Variants in REXO1 observed in about 807,000 individuals in gnomAD.
REXO1 encodes the protein REX1, RNA exonuclease 1 homolog.
In REXO1, 42 loss-of-function variants were observed where a neutral mutation model predicts 102.6. That is an observed-to-expected ratio of 0.41 (90% CI 0.32 to 0.53). The LOEUF (loss-of-function observed/expected upper bound fraction) is 0.53, where lower values mean the gene tolerates loss of function less well. Among genes scored for constraint, REXO1 ranks in the 20% least tolerant of loss-of-function variants. The pLI is 0.27. For missense variants in REXO1, 1,819 were observed against 1,732.5 expected, an observed-to-expected ratio of 1.05 and a Z score of -0.89; for synonymous variants, 908 against 779.1, an observed-to-expected ratio of 1.17 and a Z score of -2.76.
At chr19:1,829,951 C>G (rs1357228191) in intron 1 of REXO1, among the ~76,000 whole-genome samples, 1 of 152,198 alleles carries the variant, frequency 6.6e-6, no homozygotes, top group Non-Finnish European at 1.5e-5. Flanking sequence ...TTAAAGCACA[C>G]GGCTGAAATG....
chr19:1,820,339 G>T lies in REXO1; in HGVS notation c.2451C>A (p.Ile817=), dbSNP rs745731522. The stretch of plus-strand genomic sequence containing the variant: ...TGAACAGGTTGAGATAGCGCTGGCG[G>T]ATGACGGTGGGGACTTTGCCCCCAA... ...KEFGGKVPTV[I]RQRYLNLFIE... is the part of the protein sequence containing the mutation. The change falls in exon 6 of 16, where the codon ATC becomes ATA. Residue 817 remains isoleucine (I), a synonymous_variant. Coordinates refer to ENST00000170168, the MANE Select transcript of REXO1 (RefSeq NM_020695.4). The T allele has an allele frequency of 6.8e-6, 11 of 1,613,820 alleles. No homozygotes were observed. In the Admixed American group the frequency reaches 1.8e-4, roughly 27 times the overall value.
chr19:1,833,733 C>T (rs1441724956), intron 1 of REXO1, among the ~76,000 whole-genome samples: 1 of 152,242 alleles, frequency 6.6e-6, no homozygotes, highest in Non-Finnish European at 1.5e-5. Flanking sequence ...CCCTGCCACC[C>T]GCCTGGTGAA....
chr19:1,815,753 A>AGGGC lies in REXO1; in HGVS notation c.*309_*312dup, dbSNP rs962109368. 22 of 1,413,682 alleles carry AGGGC rather than the reference A, an allele frequency of 1.6e-5. No individual in the cohort carries two copies. Among genetic ancestry groups the AGGGC allele is most frequent in the Non-Finnish European group, 1.9e-5 (20 of 1,077,754 alleles). The allele number at this position is 1,413,682 out of a possible 1,614,324, so 87.6% of individuals were successfully genotyped here. A position where few individuals can be genotyped will look rare whatever the true frequency, so the allele number is the denominator to read the frequency against. ...AGGTGCCGGCCACCACCCGGGAGGG[A>AGGGC]GGGCCTGGCAGGAGGGGCAGGAGGG... On this transcript the variant is annotated 3_prime_UTR_variant, in exon 16 of 16. Coordinates refer to ENST00000170168, the MANE Select transcript of REXO1 (RefSeq NM_020695.4). This position sits in a 1 kb window ranked among gnomAD's most constrained non-coding sequence, Gnocchi z 4.0.
At chr19:1,818,905 C>A in intron 8 of REXO1, 62 bp from the exon 9 acceptor site, 1 of 1,587,646 alleles carries the variant, frequency 6.3e-7, no homozygotes. Context: ...TAGACACCAC[C>A]GGGAAAGGCG....
chr19:1,820,110 C>T, intron 6 of REXO1, 53 bp from the exon 7 acceptor site: 1 of 1,577,906 alleles, frequency 6.3e-7, no homozygotes, highest in African/African-American at 1.4e-5. Flanking sequence ...TGCCGGGGAG[C>T]CCCAGCGGTG....
intron 1 of REXO1, among the ~76,000 whole-genome samples, chr19:1,836,709 G>A (rs2070047484): frequency 7.7e-6 from 1 of 129,070 alleles, no homozygotes; most frequent in South Asian, 2.4e-4. Context: ...TTACGCCATC[G>A]CACTGCAGCC....
At chr19:1,831,378 A>G (rs1200087939) in intron 1 of REXO1, among the ~76,000 whole-genome samples, 1 of 151,984 alleles carries the variant, frequency 6.6e-6, no homozygotes, top group Non-Finnish European at 1.5e-5. Flanking sequence ...CTGGAGATCG[A>G]CCCCCACAGC....
chr19:1,832,348 A>C (rs1164644209), intron 1 of REXO1, among the ~76,000 whole-genome samples: 1 of 152,188 alleles, frequency 6.6e-6, no homozygotes, highest in South Asian at 2.1e-4. Context: ...TTTAAGGCCC[A>C]CGGGGACGAA....
At position 1,818,736 on chromosome 19, in the gene REXO1, AGAT is replaced by A; in HGVS notation, c.2869_2871del (p.Ile957del). 6.2e-7 allele frequency: 1 copy of A among 1,611,252 alleles called. No individual in the cohort carries two copies. Among genetic ancestry groups the A allele is most frequent in the Non-Finnish European group, 8.5e-7 (1 of 1,179,890 alleles). On this transcript the variant is annotated inframe_deletion, in exon 9 of 16. Coordinates refer to ENST00000170168, the MANE Select transcript of REXO1 (RefSeq NM_020695.4). Reference sequence around the variant, plus strand: ...TTGGGCCTCTTCTCCTCAGCTGTGAAGATGATTGCGCCCCCGGGCCGCTCTGGG... The same window carrying A: ...TTGGGCCTCTTCTCCTCAGCTGTGAAGATTGCGCCCCCGGGCCGCTCTGGG...
chr19:1,846,753 G>C (rs149266722), intron 1 of REXO1, among the ~76,000 whole-genome samples: 1 of 152,224 alleles, frequency 6.6e-6, no homozygotes, highest in Non-Finnish European at 1.5e-5. Flanking sequence ...AGCCAGGCTT[G>C]GTGGCACCCG....
intron 3 of REXO1, among the ~76,000 whole-genome samples, chr19:1,825,313 A>G (rs950841244): frequency 7.1e-6 from 1 of 141,038 alleles, no homozygotes; most frequent in African/African-American, 2.8e-5. Flanking sequence ...AAAAAAAAAA[A>G]AAAAAAAAAC....
At chr19:1,829,262 A>G (rs1020339663) in intron 1 of REXO1, among the ~76,000 whole-genome samples, 4 of 150,720 alleles carry the variant, frequency 2.7e-5, no homozygotes, top group Non-Finnish European at 5.9e-5. Flanking sequence ...TTTTTTTTTG[A>G]GACAGTCTCT....
chr19:1,839,125 G>A (rs376014021), intron 1 of REXO1, among the ~76,000 whole-genome samples: 12 of 151,618 alleles, frequency 7.9e-5, no homozygotes, highest in African/African-American at 2.2e-4. Flanking sequence ...GCGTGGCGGC[G>A]TGCTCCTGTA....
chr19:1,816,873 CCCTGCCCCTTT>C (rs1462289161), intron 12 of REXO1, 60 bp from the exon 13 acceptor site: 3 of 1,300,942 alleles, frequency 2.3e-6, no homozygotes, highest in African/African-American at 2.9e-5. Context: ...CCCTCCCCTT[CCCTGCCCCTTT>C]GAGTCTCCAG....
At chr19:1,818,961 G>T in intron 8 of REXO1, 57 bp downstream of exon 8, 1 of 1,569,944 alleles carries the variant, frequency 6.4e-7, no homozygotes, top group Non-Finnish European at 8.7e-7. Context: ...CACAGCAGGG[G>T]CTGGGCCGGC....
chr19:1,828,267 G>C lies in REXO1; in HGVS notation c.522C>G (p.Ala174=). 6.2e-7 allele frequency: 1 copy of C among 1,606,194 alleles called. No homozygotes were observed. Among genetic ancestry groups the C allele is most frequent in the Non-Finnish European group, 8.5e-7 (1 of 1,176,392 alleles). The change falls in exon 2 of 16, where the codon GCC becomes GCG. Residue 174 remains alanine (A), a synonymous_variant. Transcript: ENST00000170168. The part of the protein sequence containing the change: ...GYQPTPLAAP[A]EPGSKYSLAS... ...CCAGCGAGTACTTGCTGCCCGGCTC[G>C]GCAGGGGCGGCCAGTGGGGTGGGCT...
In REXO1 at chr19:1,827,287, T is replaced by C; in HGVS notation, c.1502A>G (p.Asp501Gly). ...GGGGGCGTCCTGGGAGGCGCCCTCGTCTAGTGAGCGGGCTTTCCGCTCCAC... is the reference window on the plus strand; with the variant it reads ...GGGGGCGTCCTGGGAGGCGCCCTCGCCTAGTGAGCGGGCTTTCCGCTCCAC... ...KLVERKARSL[D>G]EGASQDAPKL... Residue 501 changes from aspartate to glycine, a missense_variant, in exon 2 of 16, where the codon GAC becomes GGC. Coordinates refer to ENST00000170168, the MANE Select transcript of REXO1 (RefSeq NM_020695.4). The C allele has an allele frequency of 1.3e-6, 2 of 1,564,754 alleles. No individual in the cohort carries two copies. Among genetic ancestry groups the C allele is most frequent in the Non-Finnish European group, 1.7e-6 (2 of 1,161,894 alleles).
intron 14 of REXO1, 37 bp from the exon 15 acceptor site, chr19:1,816,382 T>G: frequency 6.3e-7 from 1 of 1,596,732 alleles, no homozygotes; most frequent in Non-Finnish European, 8.5e-7. Flanking sequence ...ACGTGGGGCC[T>G]GCGCAGGTCC....
In REXO1 at chr19:1,827,170, G is replaced by C; in HGVS notation, c.1619C>G (p.Pro540Arg). 6.5e-7 allele frequency: 1 copy of C among 1,541,452 alleles called. No individual in the cohort carries two copies. Among genetic ancestry groups the C allele is most frequent in the Non-Finnish European group, 8.7e-7 (1 of 1,146,572 alleles). The part of the protein sequence containing the change: ...AAGPGVPSVW[P>R]SALPSLSSDS... ...CGAGCTGAGGCTGGGGAGGGCAGAG[G>C]GCCACACGCTCGGCACCCCTGGCCC... The change falls in exon 2 of 16, where the codon CCC (proline) becomes CGC (arginine). Residue 540 changes from proline (P) to arginine (R), a missense_variant. By Grantham distance (103) the Pro-to-Arg change is moderately radical. Transcript: ENST00000170168.
Sources: gnomAD v4.1 joint callset for allele counts (sites outside exome capture counted in the v4.1 genomes callset) on GRCh38, gnomAD v4.1.1 for gene constraint, Gnocchi (gnomAD v3.1) non-coding constraint, MANE v1.5 for transcripts, NCBI Gene and HGNC (gene_info 2026-07-23, HGNC 2026-07-21) for gene names.